TENM2: variants seen among roughly 807,000 people sequenced by gnomAD.
The protein encoded by TENM2 is teneurin transmembrane protein 2.
A neutral mutation model predicts 245.2 loss-of-function variants in TENM2; 52 were observed. The ratio of observed to expected loss-of-function variants is 0.21; its 90% confidence interval spans 0.17 to 0.27. The LOEUF is 0.27. Ranked by LOEUF, TENM2 falls within the 10% of genes least tolerant of loss-of-function variation. TENM2 has a pLI of 1.00. For synonymous variants in TENM2, 1,363 were observed against 1,438.9 expected, an observed-to-expected ratio of 0.95 and a Z score of 1.19; for missense variants, 3,046 against 3,666.8, an observed-to-expected ratio of 0.83 and a Z score of 4.37.
chr5:167,664,111 TG>T (rs1449936407), intron 2 of TENM2, among the ~76,000 whole-genome samples: 1 of 152,132 alleles, frequency 6.6e-6, no homozygotes, highest in Non-Finnish European at 1.5e-5. Flanking sequence ...AGGCCTGAGT[TG>T]AGGGTGCATT....
At chr5:167,152,623 C>T in the TENM2 span, among the ~76,000 whole-genome samples, 10 of 151,934 alleles carry the variant, frequency 6.6e-5, no homozygotes, top group Admixed American at 6.6e-5. Context: ...GGATATATTC[C>T]AAGACTCCCA....
In TENM2 at chr5:168,098,140, A is replaced by G. The variant is rs1339604798; in HGVS notation, c.1813+13A>G. On this transcript the variant is annotated intron_variant, in intron 9 of 28. Coordinates refer to ENST00000518659, the Ensembl canonical transcript of TENM2. ...GACTGTGCTAAAGGTATGTGCCGCC[A>G]CTTCCCTGCTATGGTTGGAAAACAG... is the stretch of plus-strand genomic sequence containing the variant. 2 of 1,596,204 alleles carry G rather than the reference A, an allele frequency of 1.3e-6. No individual in the cohort carries two copies. The highest frequency in any genetic ancestry group is 2.2e-5 in the East Asian group (1 of 44,732).
At chr5:167,311,145 T>C (rs1029562064) in intron 1 of TENM2, among the ~76,000 whole-genome samples, 20 of 152,174 alleles carry the variant, frequency 1.3e-4, no homozygotes, top group Admixed American at 1.1e-3. Flanking sequence ...CCGAGCTTCA[T>C]TGAGGAGCAG....
chr5:167,118,210 G>T, the TENM2 span, among the ~76,000 whole-genome samples: 2 of 152,124 alleles, frequency 1.3e-5, no homozygotes, highest in Non-Finnish European at 2.9e-5. Flanking sequence ...TTCTATATTA[G>T]ATTAAAAATG....
intron 2 of TENM2, among the ~76,000 whole-genome samples, chr5:167,685,173 T>C (rs899587203): frequency 6.6e-6 from 1 of 152,202 alleles, no homozygotes; most frequent in Non-Finnish European, 1.5e-5. Context: ...TGAATATAAG[T>C]GCTATTTTTG....
the TENM2 span, among the ~76,000 whole-genome samples, chr5:167,198,600 A>C: frequency 6.6e-6 from 1 of 152,120 alleles, no homozygotes. Context: ...TTGGTGAAAG[A>C]GTGCAGCGAG....
At chr5:167,630,622 G>T (rs144070748) in intron 2 of TENM2, among the ~76,000 whole-genome samples, 2 of 152,222 alleles carry the variant, frequency 1.3e-5, no homozygotes, top group Admixed American at 1.3e-4. Flanking sequence ...AATATATGGT[G>T]ATTTTTATGA....
exon 7 of TENM2, chr5:168,062,182 T>C: frequency 6.2e-7 from 1 of 1,613,856 alleles, no homozygotes; most frequent in Non-Finnish European, 8.5e-7. Context: ...TCAGCCCCAG[T>C]TCTTAAAGTT....
chr5:167,050,331 A>G, the TENM2 span, among the ~76,000 whole-genome samples: 1 of 152,114 alleles, frequency 6.6e-6, no homozygotes, highest in Non-Finnish European at 1.5e-5. Flanking sequence ...TCTACGTTAC[A>G]TGCTCCGTAT....
intron 9 of TENM2, among the ~76,000 whole-genome samples, chr5:168,103,292 A>G (rs1793970044): frequency 1.3e-5 from 2 of 152,220 alleles, no homozygotes; most frequent in Non-Finnish European, 2.9e-5. Context: ...GAGCGCACCC[A>G]GCTTCCCCTA....
intron 1 of TENM2, among the ~76,000 whole-genome samples, chr5:167,309,399 G>A (rs943331134): frequency 1.3e-5 from 2 of 152,186 alleles, no homozygotes; most frequent in African/African-American, 4.8e-5. Context: ...AATATCGTAA[G>A]TCGAAAATGC....
intron 7 of TENM2, among the ~76,000 whole-genome samples, chr5:168,075,537 C>T (rs1192034107): frequency 2.0e-5 from 3 of 152,166 alleles, no homozygotes; most frequent in Non-Finnish European, 4.4e-5. Context: ...ACCAACCTCA[C>T]CTCCAGGCCC....
chr5:167,349,635 T>C (rs2127836835), intron 1 of TENM2, among the ~76,000 whole-genome samples: 1 of 152,334 alleles, frequency 6.6e-6, no homozygotes, highest in Middle Eastern at 3.4e-3. Flanking sequence ...ATATACATGA[T>C]CTGTATATGT....
intron 2 of TENM2, among the ~76,000 whole-genome samples, chr5:167,459,910 A>AC (rs1766177261): frequency 6.2e-5 from 7 of 112,198 alleles, no homozygotes; most frequent in Non-Finnish European, 1.1e-4. Flanking sequence ...ATATAAAGAT[A>AC]AACACACACA....
chr5:167,298,172 G>A (rs192050464), intron 1 of TENM2, among the ~76,000 whole-genome samples: 26 of 152,198 alleles, frequency 1.7e-4, no homozygotes, highest in Admixed American at 8.5e-4. Context: ...GGATTGGGGC[G>A]GCGTGGGAAC....
At chr5:167,168,863 G>A in the TENM2 span, among the ~76,000 whole-genome samples, 5 of 152,218 alleles carry the variant, frequency 3.3e-5, no homozygotes, top group East Asian at 1.9e-4. Flanking sequence ...GGATTCAAGC[G>A]ATTCTCCTGC....
At chr5:167,255,337 A>G in the TENM2 span, among the ~76,000 whole-genome samples, 1 of 152,130 alleles carries the variant, frequency 6.6e-6, no homozygotes, top group African/African-American at 2.4e-5. Flanking sequence ...GATGACTGTA[A>G]TGAAGACTTT....
the TENM2 span, among the ~76,000 whole-genome samples, chr5:167,045,317 A>T: frequency 5.6e-4 from 86 of 152,224 alleles, no homozygotes; most frequent in African/African-American, 2.0e-3. Flanking sequence ...AATCACCTAA[A>T]CACCATTCTT....
At chr5:167,212,515 A>G in the TENM2 span, among the ~76,000 whole-genome samples, 58 of 152,318 alleles carry the variant, frequency 3.8e-4, no homozygotes, top group Admixed American at 1.2e-3. Context: ...GAATCTTTCA[A>G]ATACAACACC....
Sources: gnomAD v4.1 joint callset for allele counts (sites outside exome capture counted in the v4.1 genomes callset) on GRCh38, gnomAD v4.1.1 for gene constraint, MANE v1.5 for transcripts, NCBI Gene and HGNC (gene_info 2026-07-23, HGNC 2026-07-21) for gene names.